The following PRDM5 variants were observed in gnomAD, a reference collection of about 807,000 sequenced individuals.
PRDM5 encodes PR domain zinc finger protein 5.
A neutral mutation model predicts 81.2 loss-of-function variants in PRDM5; 56 were observed. The observed-to-expected ratio is 0.69, with a 90% confidence interval of 0.56 to 0.86. The LOEUF is 0.86. Ranked by LOEUF, PRDM5 falls within the 40% of genes least tolerant of loss-of-function variation. PRDM5 has a pLI of 0.00. For synonymous variants in PRDM5, 267 were observed against 256.4 expected (o/e 1.04, Z -0.39); for missense variants, 697 against 770.1 (o/e 0.91, Z 1.12).
chr4:120,738,089 A>G (rs1741378869), intron 14 of PRDM5, among the ~76,000 whole-genome samples: 1 of 152,228 alleles, frequency 6.6e-6, no homozygotes, highest in South Asian at 2.1e-4. Context: ...AGGTTTGTGT[A>G]TTTAAAACAG....
At chr4:120,722,642 G>T (rs1738799936) in intron 14 of PRDM5, among the ~76,000 whole-genome samples, 2 of 152,074 alleles carry the variant, frequency 1.3e-5, no homozygotes, top group Admixed American at 1.3e-4. Flanking sequence ...AATATTCCCT[G>T]GTGATTCTGA....
chr4:120,745,093 G>A (rs1409942629), intron 14 of PRDM5, among the ~76,000 whole-genome samples: 1 of 134,696 alleles, frequency 7.4e-6, no homozygotes, highest in Non-Finnish European at 1.6e-5. Flanking sequence ...ATGATCAAGT[G>A]GGCTTCATCC....
chr4:120,788,132 A>G (rs1750033979), intron 10 of PRDM5, among the ~76,000 whole-genome samples: 1 of 152,214 alleles, frequency 6.6e-6, no homozygotes, highest in Non-Finnish European at 1.5e-5. Context: ...TTCCCTTTAC[A>G]GAAATACAAC....
chr4:120,808,839 C>T (rs773542034), intron 8 of PRDM5, among the ~76,000 whole-genome samples: 63 of 152,306 alleles, frequency 4.1e-4, no homozygotes, highest in Non-Finnish European at 7.9e-4. Context: ...CCAGGGTTTG[C>T]GGGCTGGCCG....
intron 7 of PRDM5, 200 bp downstream of exon 7, chr4:120,816,253 A>C (rs1033646794): frequency 3.6e-6 from 3 of 835,138 alleles, no homozygotes; most frequent in Non-Finnish European, 5.7e-6. Context: ...AGGAATGGGA[A>C]AAAGAACAAA....
At chr4:120,867,352 TATAAA>T (rs981335259) in intron 2 of PRDM5, among the ~76,000 whole-genome samples, 15 of 152,212 alleles carry the variant, frequency 9.9e-5, no homozygotes, top group African/African-American at 3.6e-4. Context: ...CAGTTCCTCT[TATAAA>T]ATAAAATTTT....
intron 7 of PRDM5, among the ~76,000 whole-genome samples, chr4:120,815,748 C>T (rs1754408434): frequency 6.6e-6 from 1 of 152,168 alleles, no homozygotes; most frequent in Non-Finnish European, 1.5e-5. Context: ...ATCTCAACCT[C>T]CTTTAAGGAG....
Position 120,750,779 on chromosome 4 carries a change from C to T in PRDM5, c.1623+3774G>A, listed in dbSNP as rs183429532. 2.6e-3 allele frequency among the ~76,000 whole-genome samples: 401 copies of T among 152,042 alleles called. 2 individuals carry two copies. Among genetic ancestry groups the T allele is most frequent in the Non-Finnish European group, 4.8e-3 (329 of 67,980 alleles). On this transcript the variant is annotated intron_variant, in intron 14 of 15. Coordinates refer to ENST00000264808, the MANE Select transcript of PRDM5 (RefSeq NM_018699.4). ...GTTACACTTGAAAAGCAAACTCCTG[C>T]AACCTTCCCACTCATTATCAAGAGA...
chr4:120,807,985 C>A (rs181804540), intron 8 of PRDM5, among the ~76,000 whole-genome samples: 7 of 151,864 alleles, frequency 4.6e-5, no homozygotes, highest in Admixed American at 4.6e-4. Context: ...TTGCTCCTCC[C>A]GGTGGGTTCA....
intron 9 of PRDM5, among the ~76,000 whole-genome samples, chr4:120,799,279 G>A (rs1751786729): frequency 6.6e-6 from 1 of 152,062 alleles, no homozygotes; most frequent in African/African-American, 2.4e-5. Flanking sequence ...TATAATTTTT[G>A]AATATCTACT....
chr4:120,917,836 T>C (rs1269908591), intron 1 of PRDM5, among the ~76,000 whole-genome samples: 1 of 152,226 alleles, frequency 6.6e-6, no homozygotes, highest in Non-Finnish European at 1.5e-5. Flanking sequence ...TTTGTGGATA[T>C]AGCATTTTAT....
In PRDM5 at chr4:120,758,631, C is replaced by A. The variant is rs1745133861; in HGVS notation, c.1538-3993G>T. On this transcript the variant is annotated intron_variant, in intron 13 of 15. Transcript: ENST00000264808. ...CCTAGCGCCTTCACAGGGAGCATGG[C>A]CATGCAAGTGCCTTGATCTCAGACT... Among the ~76,000 whole-genome samples, 4 of 152,106 alleles carry A rather than the reference C, an allele frequency of 2.6e-5. 1 individual carries two copies. The South Asian group carries it at 8.3e-4, about 32-fold the overall frequency.
intron 2 of PRDM5, among the ~76,000 whole-genome samples, chr4:120,907,261 G>C (rs1294334780): frequency 6.6e-6 from 1 of 151,602 alleles, no homozygotes; most frequent in Non-Finnish European, 1.5e-5. Flanking sequence ...TTGAACCTGG[G>C]GGGCGGACGT....
Position 120,889,544 on chromosome 4 carries a change from A to T in PRDM5, c.177+17930T>A, listed in dbSNP as rs74356851. Among the ~76,000 whole-genome samples, 438 of 152,308 alleles carry T rather than the reference A, an allele frequency of 2.9e-3. 2 individuals are homozygous for T. The highest frequency in any genetic ancestry group is 0.01 in the African/African-American group (422 of 41,560). ...CCTTGCAAAAAAAATTAATAAAAAT[A>T]AACTTTCCAGGATTTTTATGGAGAT... On this transcript the variant is annotated intron_variant, in intron 2 of 15. Coordinates refer to ENST00000264808, the MANE Select transcript of PRDM5 (RefSeq NM_018699.4).
intron 13 of PRDM5, chr4:120,762,827 A>C (rs998315113): frequency 2.6e-5 from 4 of 152,174 alleles, no homozygotes; most frequent in African/African-American, 9.7e-5. Flanking sequence ...ATTCTGAGGA[A>C]TCTCACTTAA....
At chr4:120,885,714 A>C (rs1262683276) in intron 2 of PRDM5, 1 of 152,132 alleles carries the variant, frequency 6.6e-6, no homozygotes, top group Non-Finnish European at 1.5e-5. Flanking sequence ...GAATTGCTTG[A>C]ATCCAGGAGG....
At chr4:120,699,325 T>A (rs1735022397) in intron 15 of PRDM5, among the ~76,000 whole-genome samples, 1 of 151,458 alleles carries the variant, frequency 6.6e-6, no homozygotes, top group Admixed American at 6.6e-5. Context: ...TTCTTTTTGT[T>A]ATCTTGTGTT....
intron 2 of PRDM5, among the ~76,000 whole-genome samples, chr4:120,884,925 T>A (rs1579109795): frequency 6.6e-6 from 1 of 150,644 alleles, no homozygotes; most frequent in East Asian, 2.0e-4. Flanking sequence ...GCGAGTCGGG[T>A]GGATCACGAG....
intron 12 of PRDM5, 87 bp downstream of exon 12, chr4:120,781,056 T>C: frequency 2.7e-6 from 3 of 1,120,188 alleles, no homozygotes; most frequent in South Asian, 2.8e-5. Flanking sequence ...GATAGATTAA[T>C]ATATAATTAT....
Sources: gnomAD v4.1 joint callset for allele counts (sites outside exome capture counted in the v4.1 genomes callset) on GRCh38, gnomAD v4.1.1 for gene constraint, MANE v1.5 for transcripts, NCBI Gene and HGNC (gene_info 2026-07-23, HGNC 2026-07-21) for gene names.